The following RAB40C variants were observed in gnomAD, a reference collection of about 807,000 sequenced individuals.
RAB40C encodes ras-related protein Rab-40C.
RAB40C carries 8 observed loss-of-function variants against 28.1 expected under a neutral mutation model. The observed-to-expected ratio is 0.28, with a 90% CI of 0.17 to 0.51. RAB40C has a LOEUF of 0.51. Among genes scored for constraint, RAB40C ranks in the 20% least tolerant of loss-of-function variants. The pLI is 0.97. For missense variants in RAB40C, 288 were observed against 405.9 expected, an observed-to-expected ratio of 0.71 and a Z score of 2.50; for synonymous variants, 201 against 171.7, an observed-to-expected ratio of 1.17 and a Z score of -1.34.
At chr16:596,548 G>C (rs2036129084) in intron 1 of RAB40C, 1 of 334,244 alleles carries the variant, frequency 3.0e-6, no homozygotes, top group Non-Finnish European at 5.9e-6. Context: ...AAAGGTGTCG[G>C]CGTCCAGCAT....
At chr16:596,897 G>A (rs985009553) in intron 1 of RAB40C, among the ~76,000 whole-genome samples, 5 of 152,288 alleles carry the variant, frequency 3.3e-5, no homozygotes, top group African/African-American at 1.2e-4. Context: ...TGGGGATGGC[G>A]GCGCACTCTG....
intron 1 of RAB40C, among the ~76,000 whole-genome samples, chr16:596,955 A>C (rs2036139947): frequency 6.6e-6 from 1 of 152,186 alleles, no homozygotes; most frequent in Non-Finnish European, 1.5e-5. Context: ...GATTTTGAGT[A>C]AAGCAGAGAT....
intron 1 of RAB40C, among the ~76,000 whole-genome samples, chr16:611,634 C>G (rs2036487997): frequency 6.8e-6 from 1 of 147,380 alleles, no homozygotes; most frequent in Non-Finnish European, 1.5e-5. Context: ...AGAGCAGGGA[C>G]AGCCGCCCTG....
chr16:601,183 C>G (rs755157251), intron 1 of RAB40C, among the ~76,000 whole-genome samples: 15 of 152,208 alleles, frequency 9.9e-5, no homozygotes. Flanking sequence ...GCTGGTTTGA[C>G]TTTTAAAAAA....
intron 5 of RAB40C, among the ~76,000 whole-genome samples, chr16:626,724 G>A (rs1379159220): frequency 6.6e-6 from 1 of 152,210 alleles, no homozygotes; most frequent in African/African-American, 2.4e-5. Context: ...GATCACCTGA[G>A]GTCAGGACTT....
At chr16:611,686 G>A (rs2036489917) in intron 1 of RAB40C, among the ~76,000 whole-genome samples, 1 of 131,122 alleles carries the variant, frequency 7.6e-6, no homozygotes. Flanking sequence ...CTGGCCTGTA[G>A]AATCAAGAGC....
At chr16:626,414 G>A (rs1321494590) in intron 5 of RAB40C, among the ~76,000 whole-genome samples, 1 of 152,116 alleles carries the variant, frequency 6.6e-6, no homozygotes, top group African/African-American at 2.4e-5. Context: ...TGGGCAGTGT[G>A]TGCTCGCTCC....
Position 626,047 on chromosome 16 carries a change from T to A in RAB40C, c.491T>A (p.Ile164Asn). The A allele has an allele frequency of 6.2e-7, 1 of 1,613,398 alleles. No homozygotes were observed. Among genetic ancestry groups the A allele is most frequent in the Non-Finnish European group, 8.5e-7 (1 of 1,179,972 alleles). The part of the protein sequence containing the change: ...EVSPLCNFNV[I>N]ESFTELSRIV... ...AGCCCCCTGTGCAACTTCAACGTCA[T>A]CGAGTCCTTCACGGAGCTATCCCGC... Residue 164 changes from isoleucine to asparagine, a missense_variant, in exon 5 of 6, where the codon ATC becomes AAC. Physicochemically the swap from Ile to Asn is moderately radical, Grantham distance 149. Around this residue, in one of 3 missense-constraint regions of RAB40C, gnomAD observed 153 missense variants for 262.4 expected, o/e 0.58. Coordinates refer to ENST00000248139, the MANE Select transcript of RAB40C (RefSeq NM_021168.5).
chr16:626,912 T>TG (rs2036850003), intron 5 of RAB40C, among the ~76,000 whole-genome samples: 1 of 152,208 alleles, frequency 6.6e-6, no homozygotes, highest in Non-Finnish European at 1.5e-5. Flanking sequence ...CACTCCAGCC[T>TG]GGCGACAGAG....
At chr16:609,347 G>C (rs1008464038) in intron 1 of RAB40C, among the ~76,000 whole-genome samples, 6 of 151,750 alleles carry the variant, frequency 4.0e-5, no homozygotes, top group Admixed American at 3.3e-4. Context: ...GTGGGGGACA[G>C]GGTGGCAGGG....
At chr16:620,526 G>A (rs192608767) in intron 3 of RAB40C, among the ~76,000 whole-genome samples, 3 of 152,360 alleles carry the variant, frequency 2.0e-5, no homozygotes, top group Admixed American at 6.5e-5. Flanking sequence ...ATGGGGCGCA[G>A]TTATGTTGGA....
At chr16:609,286 G>T (rs1440693476) in intron 1 of RAB40C, among the ~76,000 whole-genome samples, 1 of 152,092 alleles carries the variant, frequency 6.6e-6, no homozygotes, top group South Asian at 2.1e-4. Flanking sequence ...AGCACAGGAG[G>T]TTTATTCTCT....
chr16:613,388 C>T (rs1300890763), intron 1 of RAB40C, among the ~76,000 whole-genome samples: 29 of 152,086 alleles, frequency 1.9e-4, no homozygotes, highest in African/African-American at 6.5e-4. Flanking sequence ...CAGGGACTGC[C>T]GCCCTCGCCT....
chr16:616,901 A>T, intron 1 of RAB40C: 1 of 398,884 alleles, frequency 2.5e-6, no homozygotes, highest in Non-Finnish European at 4.7e-6. Flanking sequence ...GCCCCATTCC[A>T]GGCAAGCCGT....
intron 3 of RAB40C, chr16:623,837 C>G (rs866878264): frequency 1.4e-5 from 7 of 504,550 alleles, no homozygotes; most frequent in African/African-American, 2.1e-5. Context: ...GTATTCCCAG[C>G]CACTCAGGAA....
chr16:601,620 T>C (rs1394254270), intron 1 of RAB40C, among the ~76,000 whole-genome samples: 1 of 151,842 alleles, frequency 6.6e-6, no homozygotes, highest in Non-Finnish European at 1.5e-5. Context: ...TCATGAAAAA[T>C]AGAATTGTTA....
chr16:604,485 G>A (rs1418561231), intron 1 of RAB40C, among the ~76,000 whole-genome samples: 3 of 147,520 alleles, frequency 2.0e-5, no homozygotes, highest in South Asian at 2.3e-4. Context: ...TAGAATACAC[G>A]TGAGTCCTTC....
chr16:625,158 C>T (rs117545065), intron 3 of RAB40C: 30 of 1,377,544 alleles, frequency 2.2e-5, no homozygotes, highest in Non-Finnish European at 2.9e-5. Flanking sequence ...GAAACTTCCA[C>T]AGGCTGATGG....
rs1346650904 is a variant in RAB40C, at chr16:625,612, C to T, written c.342+103C>T. On this transcript the variant is annotated intron_variant, in intron 4 of 5. Coordinates refer to ENST00000248139, the MANE Select transcript of RAB40C (RefSeq NM_021168.5). ...TCCCGCCTGCCGCCCCTCCTGTGGCCCCGGCTCTGCACCCTGCACTGTCCC... is the reference window on the plus strand; with the variant it reads ...TCCCGCCTGCCGCCCCTCCTGTGGCTCCGGCTCTGCACCCTGCACTGTCCC... 2.5e-6 allele frequency: 3 copies of T among 1,214,380 alleles called. 1 individual carries two copies. The highest frequency in any genetic ancestry group is 1.3e-5 in the South Asian group (1 of 78,000). The allele number at this position is 1,214,380 out of a possible 1,614,324, so 75.2% of individuals were successfully genotyped here.
Sources: gnomAD v4.1 joint callset for allele counts (sites outside exome capture counted in the v4.1 genomes callset) on GRCh38, gnomAD v4.1.1 for gene constraint, gnomAD v4.1.1 regional missense constraint, MANE v1.5 for transcripts, NCBI Gene and HGNC (gene_info 2026-07-23, HGNC 2026-07-21) for gene names.